Variants in MORF4L1 observed in about 807,000 individuals in gnomAD.
MORF4L1 encodes mortality factor 4-like protein 1.
MORF4L1 carries 4 observed loss-of-function variants against 52.9 expected under a neutral mutation model. The ratio of observed to expected loss-of-function variants is 0.08; its 90% CI spans 0.04 to 0.17. The LOEUF is 0.17. MORF4L1 is among the 10% of genes least tolerant of loss of function. MORF4L1 has a pLI of 1.00. For missense variants in MORF4L1, 214 were observed against 390.4 expected, an observed-to-expected ratio of 0.55 and a Z score of 3.81; for synonymous variants, 123 against 134.8, an observed-to-expected ratio of 0.91 and a Z score of 0.61.
At chr15:78,874,671 A>G (rs1596236417) in intron 1 of MORF4L1, among the ~76,000 whole-genome samples, 1 of 133,610 alleles carries the variant, frequency 7.5e-6, no homozygotes, top group Non-Finnish European at 1.5e-5. Flanking sequence ...TGAGCGATCC[A>G]CCCGCCTCGG....
chr15:78,874,885 T>C (rs2056455021), intron 1 of MORF4L1, among the ~76,000 whole-genome samples: 2 of 151,340 alleles, frequency 1.3e-5, no homozygotes, highest in South Asian at 4.2e-4. Flanking sequence ...GATTTTTTTT[T>C]CTATCTCCCA....
chr15:78,879,972 T>C (rs1012800762), intron 2 of MORF4L1, among the ~76,000 whole-genome samples: 12 of 152,212 alleles, frequency 7.9e-5, no homozygotes, highest in African/African-American at 2.9e-4. Context: ...TTAAAGACTT[T>C]TAAATCCAAA....
chr15:78,881,526 C>T (rs996985932), intron 3 of MORF4L1, among the ~76,000 whole-genome samples: 4 of 151,532 alleles, frequency 2.6e-5, no homozygotes, highest in African/African-American at 9.7e-5. Context: ...TGTAAAGTAC[C>T]GATGTTATTG....
In MORF4L1 at chr15:78,873,040, A is replaced by G. The variant is rs968593799; in HGVS notation, c.23A>G (p.Lys8Arg). 5 of 1,552,756 alleles carry G rather than the reference A, an allele frequency of 3.2e-6. No individual in the cohort carries two copies. The highest frequency in any genetic ancestry group is 1.2e-5 in the South Asian group (1 of 84,168). The change falls in exon 1 of 12, where the codon AAG becomes AGG. Residue 8 changes from lysine to arginine, a missense_variant. Lys to Arg is a conservative substitution (Grantham distance 26). Around this residue, in one of 5 missense-constraint regions of MORF4L1, gnomAD observed 32 missense variants for 51.1 expected, o/e 0.63. Transcript: ENST00000426013. The part of the protein sequence containing the change: MAPKQDP[K>R]PKFQEGERVL... ...TAAATGGCGCCGAAGCAGGACCCGA[A>G]GCCTAAATTCCAGGAGGGTGAGTGT...
In MORF4L1 at chr15:78,894,379, G is replaced by A. The variant is rs143512672; in HGVS notation, c.802+149G>A. On this transcript the variant is annotated intron_variant, in intron 10 of 11. Transcript: ENST00000426013. ...ATGTTAAATAGCAAAATCTCTTTAG[G>A]AGCAAGAGTTTTAAAAATCGTGTAT... 2,040 of 569,898 alleles carry A rather than the reference G, an allele frequency of 3.6e-3. 5 individuals are homozygous for A. Among genetic ancestry groups the A allele is most frequent in the Middle Eastern group, 0.011 (33 of 3,100 alleles). The allele number at this position is 569,898 out of a possible 1,614,324, so 35.3% of individuals were successfully genotyped here. A position where few individuals can be genotyped will look rare whatever the true frequency, so the allele number is the denominator to read the frequency against.
intron 10 of MORF4L1, 155 bp downstream of exon 10, chr15:78,894,385 G>T (rs2056849344): frequency 5.4e-6 from 3 of 551,094 alleles, no homozygotes; most frequent in Non-Finnish European, 6.0e-6. Context: ...TTAGGAGCAA[G>T]AGTTTTAAAA....
intron 1 of MORF4L1, among the ~76,000 whole-genome samples, chr15:78,877,066 AGTAGCTG>A (rs58502726): frequency 0.17 from 25,601 of 147,118 alleles, 2,939 homozygotes; most frequent in East Asian, 0.64. Context: ...CAGCCTCCCG[AGTAGCTG>A]GTAGCTGGGA....
chr15:78,882,228 A>G (rs1411201074), intron 3 of MORF4L1, among the ~76,000 whole-genome samples: 1 of 152,128 alleles, frequency 6.6e-6, no homozygotes, highest in Non-Finnish European at 1.5e-5. Flanking sequence ...AGGCAGGAGG[A>G]TTACTTGAGC....
intron 1 of MORF4L1, chr15:78,876,730 G>C (rs1020732878): frequency 1.8e-5 from 6 of 342,086 alleles, no homozygotes; most frequent in African/African-American, 8.6e-5. Context: ...AGAAGTCTTT[G>C]ATCTTCCCGT....
intron 10 of MORF4L1, 110 bp downstream of exon 10, chr15:78,894,340 A>G (rs1387607858): frequency 1.2e-6 from 1 of 821,806 alleles, no homozygotes; most frequent in Non-Finnish European, 1.8e-6. Context: ...TTTTAATTTG[A>G]ACTTTTATCT....
At chr15:78,891,811 C>T in intron 7 of MORF4L1, 2 of 477,882 alleles carry the variant, frequency 4.2e-6, no homozygotes, top group South Asian at 3.8e-5. Flanking sequence ...ACCTACAAGA[C>T]TATTTCTTTG....
At chr15:78,876,460 A>G in intron 1 of MORF4L1, 2 of 450,522 alleles carry the variant, frequency 4.4e-6, no homozygotes, top group Admixed American at 2.4e-5. Flanking sequence ...GTCCTGGGTC[A>G]TACTCCTCAG....
In MORF4L1 at chr15:78,893,521, A is replaced by G. The variant is rs1596251915; in HGVS notation, c.541-18A>G. On this transcript the variant is annotated intron_variant, in intron 8 of 11. Coordinates refer to ENST00000426013, the MANE Select transcript of MORF4L1 (RefSeq NM_006791.4). Reference sequence around the variant, plus strand: ...AAAAAGAGAGTGCTTATATTTAAGCATATTTTTGTCTTCATAGCTCTTTTA... The same window carrying G: ...AAAAAGAGAGTGCTTATATTTAAGCGTATTTTTGTCTTCATAGCTCTTTTA... 2 of 1,542,632 alleles carry G rather than the reference A, an allele frequency of 1.3e-6. No homozygotes were observed.
chr15:78,882,749 A>G (rs1233735906), intron 3 of MORF4L1, among the ~76,000 whole-genome samples: 1 of 152,158 alleles, frequency 6.6e-6, no homozygotes, highest in East Asian at 1.9e-4. Flanking sequence ...TTTATGGTTT[A>G]GGCTTAATCT....
chr15:78,887,395 A>T, intron 5 of MORF4L1, 46 bp downstream of exon 5: 1 of 1,508,372 alleles, frequency 6.6e-7, no homozygotes, highest in Non-Finnish European at 9.1e-7. Context: ...TGTGAAGATA[A>T]TATTTTATGT....
intron 3 of MORF4L1, among the ~76,000 whole-genome samples, chr15:78,882,343 C>T (rs2056618097): frequency 6.6e-6 from 1 of 152,036 alleles, no homozygotes; most frequent in African/African-American, 2.4e-5. Flanking sequence ...ACATGTATTT[C>T]TAATAATGAT....
intron 3 of MORF4L1, among the ~76,000 whole-genome samples, chr15:78,881,151 A>G (rs1353333910): frequency 1.4e-5 from 2 of 144,698 alleles, no homozygotes; most frequent in Non-Finnish European, 3.0e-5. Flanking sequence ...GAAACATTCA[A>G]TTATAGAGTC....
chr15:78,896,032 G>A (rs961591884), intron 11 of MORF4L1, among the ~76,000 whole-genome samples: 5 of 152,036 alleles, frequency 3.3e-5, no homozygotes, highest in Non-Finnish European at 1.5e-5. Context: ...AGGCTGGAGT[G>A]CAGTGATGCG....
intron 10 of MORF4L1, chr15:78,894,580 TG>T (rs2056854269): frequency 8.6e-6 from 4 of 463,334 alleles, no homozygotes; most frequent in African/African-American, 7.8e-5. Flanking sequence ...TGGTAATTTT[TG>T]TATTTTCTGT....
Sources: allele counts gnomAD v4.1 joint callset (sites outside exome capture counted in the v4.1 genomes callset), GRCh38; gene constraint gnomAD v4.1.1; regional missense constraint gnomAD v4.1.1; transcripts MANE v1.5; gene names NCBI Gene and HGNC (gene_info 2026-07-23, HGNC 2026-07-21).